The following PELI2 variants were observed in gnomAD, a reference collection of about 807,000 sequenced individuals.
PELI2 encodes the protein E3 ubiquitin-protein ligase pellino homolog 2.
Under a neutral mutation model 42.3 loss-of-function variants are expected in PELI2, and 23 were observed. That is an observed-to-expected ratio of 0.54 (90% CI 0.39 to 0.77). The LOEUF (loss-of-function observed/expected upper bound fraction) is 0.77, where lower values mean the gene tolerates loss of function less well. Ranked by LOEUF, PELI2 falls within the 30% of genes least tolerant of loss-of-function variation. The pLI is 0.00. For synonymous variants in PELI2, 245 were observed against 212.2 expected, an observed-to-expected ratio of 1.15 and a Z score of -1.34; for missense variants, 463 against 553.2, an observed-to-expected ratio of 0.84 and a Z score of 1.64.
intron 5 of PELI2, among the ~76,000 whole-genome samples, chr14:56,292,168 G>A (rs1467829997): frequency 6.6e-6 from 1 of 152,180 alleles, no homozygotes; most frequent in East Asian, 1.9e-4. Context: ...TTAATGAGTT[G>A]TATTAAATAT....
chr14:56,131,435 G>T (rs1238850032), intron 1 of PELI2, among the ~76,000 whole-genome samples: 1 of 152,188 alleles, frequency 6.6e-6, no homozygotes, highest in African/African-American at 2.4e-5. Flanking sequence ...ATATCAGTTG[G>T]TAAAATACCA....
At chr14:56,130,891 C>A (rs1366084024) in intron 1 of PELI2, among the ~76,000 whole-genome samples, 1 of 152,078 alleles carries the variant, frequency 6.6e-6, no homozygotes, top group Admixed American at 6.6e-5. Flanking sequence ...TGGCATGTAC[C>A]CTTGAAATCT....
intron 3 of PELI2, among the ~76,000 whole-genome samples, chr14:56,280,960 T>G (rs1344321356): frequency 6.6e-6 from 1 of 152,098 alleles, no homozygotes; most frequent in African/African-American, 2.4e-5. Flanking sequence ...AAATAGTTTT[T>G]AAAATACCAA....
Position 56,197,662 on chromosome 14 carries a change from C to A in PELI2, c.207+19198C>A, listed in dbSNP as rs1886173757. 1.3e-5 allele frequency among the ~76,000 whole-genome samples: 2 copies of A among 152,090 alleles called. No homozygotes were observed. The highest frequency in any genetic ancestry group is 1.3e-4 in the Admixed American group (2 of 15,274). On this transcript the variant is annotated intron_variant, in intron 2 of 5. Coordinates refer to ENST00000267460, the MANE Select transcript of PELI2 (RefSeq NM_021255.3). This position sits in a 1 kb window ranked among gnomAD's most constrained non-coding sequence, Gnocchi z 4.9. ...GGGCCATTGTGCCTAGATTTGTGGT[C>A]AGGTGTTATTCTCAATGTTTCTGTG...
At chr14:56,246,661 A>G (rs746737442) in intron 2 of PELI2, among the ~76,000 whole-genome samples, 8 of 150,982 alleles carry the variant, frequency 5.3e-5, no homozygotes, top group Non-Finnish European at 8.8e-5. Context: ...ATGGTTATGC[A>G]TTACTTTATT....
chr14:56,170,638 C>A (rs2139654724), intron 1 of PELI2, among the ~76,000 whole-genome samples: 1 of 152,302 alleles, frequency 6.6e-6, no homozygotes, highest in East Asian at 1.9e-4. Flanking sequence ...ATGTCTCCTT[C>A]ACAGGGTTTC....
rs180852273 is a variant in PELI2 at position 56,150,408 on chromosome 14, A to G, written c.78-27927A>G. 1.8e-3 allele frequency among the ~76,000 whole-genome samples: 268 copies of G among 152,278 alleles called. 1 individual carries two copies. Among genetic ancestry groups the G allele is most frequent in the South Asian group, 3.1e-3 (15 of 4,828 alleles). On this transcript the variant is annotated intron_variant, in intron 1 of 5. Transcript: ENST00000267460. Reference sequence around the variant, plus strand: ...TAACTGATCCCATTTTCTATTAGCCATATGTTTGGTTTTTTGAAAAATTAT... The same window carrying G: ...TAACTGATCCCATTTTCTATTAGCCGTATGTTTGGTTTTTTGAAAAATTAT...
chr14:56,262,206 C>A lies in PELI2; in HGVS notation c.208-17470C>A, dbSNP rs148602381. 9.0e-3 allele frequency among the ~76,000 whole-genome samples: 1,369 copies of A among 152,312 alleles called. 9 individuals are homozygous for A. The highest frequency in any genetic ancestry group is 0.034 in the Middle Eastern group (10 of 294). ...TATTTGTCTTGCTTTAGCTAGACAG[C>A]AAGTATAATAACCTAACACTAACCC... On this transcript the variant is annotated intron_variant, in intron 2 of 5. Transcript: ENST00000267460.
chr14:56,228,179 C>T (rs1395364817), intron 2 of PELI2, among the ~76,000 whole-genome samples: 1 of 152,214 alleles, frequency 6.6e-6, no homozygotes, highest in Non-Finnish European at 1.5e-5. Context: ...TAAAAGACAG[C>T]ATTTTCATTT....
intron 2 of PELI2, among the ~76,000 whole-genome samples, chr14:56,243,183 G>A (rs1452851874): frequency 6.6e-6 from 1 of 152,190 alleles, no homozygotes; most frequent in East Asian, 1.9e-4. Flanking sequence ...GAGTAACTTG[G>A]TAGGTCATGT....
intron 1 of PELI2, among the ~76,000 whole-genome samples, chr14:56,163,038 C>T (rs868234169): frequency 4.6e-5 from 7 of 151,974 alleles, no homozygotes; most frequent in East Asian, 1.9e-4. Flanking sequence ...CCATTCTGTG[C>T]GTTTTCTCTT....
intron 2 of PELI2, among the ~76,000 whole-genome samples, chr14:56,210,176 T>C (rs74745520): frequency 0.021 from 3,213 of 151,460 alleles, 100 homozygotes; most frequent in African/African-American, 0.073. Flanking sequence ...CATTTCAAAT[T>C]GGAAAAATGA....
At chr14:56,167,578 G>T (rs1445890155) in intron 1 of PELI2, among the ~76,000 whole-genome samples, 1 of 152,140 alleles carries the variant, frequency 6.6e-6, no homozygotes, top group Non-Finnish European at 1.5e-5. Context: ...CCTTCTCTGT[G>T]TTATCTTGAA....
At chr14:56,146,476 A>C (rs190939963) in intron 1 of PELI2, among the ~76,000 whole-genome samples, 2 of 152,308 alleles carry the variant, frequency 1.3e-5, no homozygotes, top group East Asian at 3.9e-4. Context: ...TGTGCTCATT[A>C]CTGTACTGGA....
intron 2 of PELI2, among the ~76,000 whole-genome samples, chr14:56,256,889 A>G (rs998049568): frequency 2.0e-5 from 3 of 152,286 alleles, no homozygotes; most frequent in Non-Finnish European, 2.9e-5. Context: ...TCAAATTCAT[A>G]TTAGTGTGTG....
In PELI2 at chr14:56,223,100, G is replaced by A. The variant is rs150100782; in HGVS notation, c.207+44636G>A. On this transcript the variant is annotated intron_variant, in intron 2 of 5. Transcript: ENST00000267460. Reference sequence around the variant, plus strand: ...GTCCTCCCAGTGACCCCTGATGCTCGTGCCTCCGTCCACCTCTACAGCCTG... The same window carrying A: ...GTCCTCCCAGTGACCCCTGATGCTCATGCCTCCGTCCACCTCTACAGCCTG... Among the ~76,000 whole-genome samples the A allele has an allele frequency of 1.3e-3, 201 of 152,228 alleles. 2 individuals carry two copies. The highest frequency in any genetic ancestry group is 4.5e-3 in the African/African-American group (188 of 41,528).
intron 2 of PELI2, among the ~76,000 whole-genome samples, chr14:56,272,333 G>A (rs1889134955): frequency 1.3e-5 from 2 of 152,190 alleles, no homozygotes; most frequent in Admixed American, 6.5e-5. Flanking sequence ...ATGCAGATGC[G>A]AGCATGCACA....
In PELI2 at chr14:56,299,425, A is replaced by G. The variant is rs1178141602; in HGVS notation, c.*2259A>G. 1 of 152,180 alleles carries G rather than the reference A, an allele frequency of 6.6e-6. No homozygotes were observed. Among genetic ancestry groups the G allele is most frequent in the African/African-American group, 2.4e-5 (1 of 41,452 alleles). 9.4% of individuals were successfully genotyped at this position (152,180 alleles called of 1,614,324 possible). A position where few individuals can be genotyped will look rare whatever the true frequency, so the allele number is the denominator to read the frequency against. ...GTTGAAATTTGGGAAATAATTTCCA[A>G]GCTCTTGGAAGGGGTAACAGTGAAC... is the stretch of plus-strand genomic sequence containing the variant. On this transcript the variant is annotated 3_prime_UTR_variant, in exon 6 of 6. Coordinates refer to ENST00000267460, the MANE Select transcript of PELI2 (RefSeq NM_021255.3).
chr14:56,161,696 CATT>C (rs1336987625), intron 1 of PELI2, among the ~76,000 whole-genome samples: 1 of 152,172 alleles, frequency 6.6e-6, no homozygotes, highest in Non-Finnish European at 1.5e-5. Flanking sequence ...GCCCCATGCA[CATT>C]ATTTGATGCA....
Sources: allele counts gnomAD v4.1 joint callset (sites outside exome capture counted in the v4.1 genomes callset), GRCh38; gene constraint gnomAD v4.1.1; non-coding constraint Gnocchi (gnomAD v3.1); transcripts MANE v1.5; gene names NCBI Gene and HGNC (gene_info 2026-07-23, HGNC 2026-07-21).